The following RBFOX3 variants were observed in gnomAD, a reference collection of about 807,000 sequenced individuals.
RBFOX3 encodes the protein RNA binding protein fox-1 homolog 3.
Under a neutral mutation model 48.7 loss-of-function variants are expected in RBFOX3, and 17 were observed. The observed-to-expected ratio is 0.35, with a 90% CI of 0.24 to 0.52. RBFOX3 has a LOEUF of 0.52. Among genes scored for constraint, RBFOX3 ranks in the 20% least tolerant of loss-of-function variants. The pLI, the probability that RBFOX3 is intolerant of heterozygous loss-of-function variation, is 0.94. For synonymous variants in RBFOX3, 212 were observed against 209.5 expected (o/e 1.01, Z -0.10); for missense variants, 382 against 497.5 (o/e 0.77, Z 2.21).
At chr17:79,452,078 A>C (rs1159494631) in intron 2 of RBFOX3, among the ~76,000 whole-genome samples, 1 of 152,182 alleles carries the variant, frequency 6.6e-6, no homozygotes, top group Non-Finnish European at 1.5e-5. Flanking sequence ...AAGGATGGGT[A>C]GAATTCTGAA....
At chr17:79,127,424 C>T (rs937030121) in intron 4 of RBFOX3, among the ~76,000 whole-genome samples, 40 of 152,008 alleles carry the variant, frequency 2.6e-4, no homozygotes, top group Non-Finnish European at 8.8e-5. Flanking sequence ...GTGGGAAGAA[C>T]GGAGGAACAG....
chr17:79,197,614 C>A (rs1314426729), intron 4 of RBFOX3, among the ~76,000 whole-genome samples: 2 of 151,986 alleles, frequency 1.3e-5, no homozygotes, highest in South Asian at 2.1e-4. Context: ...AGGCTGGTCT[C>A]AAACTCCTGA....
intron 2 of RBFOX3, among the ~76,000 whole-genome samples, chr17:79,376,599 T>A (rs1052643996): frequency 1.3e-5 from 2 of 152,116 alleles, no homozygotes; most frequent in Non-Finnish European, 2.9e-5. Flanking sequence ...TACCAGGGCA[T>A]CCCCGGCCCA....
chr17:79,179,521 C>T (rs572717255), intron 4 of RBFOX3, among the ~76,000 whole-genome samples: 8 of 152,224 alleles, frequency 5.3e-5, no homozygotes, highest in Non-Finnish European at 8.8e-5. Flanking sequence ...GCCAGTCCCT[C>T]TCCCCCGGCC....
intron 4 of RBFOX3, among the ~76,000 whole-genome samples, chr17:79,163,311 C>A (rs886763827): frequency 6.6e-6 from 1 of 152,206 alleles, no homozygotes; most frequent in East Asian, 1.9e-4. Flanking sequence ...CGGGGCCTCA[C>A]GGCCTCAGTG....
At chr17:79,417,232 G>T (rs750153729) in intron 2 of RBFOX3, among the ~76,000 whole-genome samples, 1 of 152,324 alleles carries the variant, frequency 6.6e-6, no homozygotes, top group East Asian at 1.9e-4. Flanking sequence ...CTTGCTCCCC[G>T]TAAGAGTCTC....
rs1469544212 is a variant in RBFOX3, at chr17:79,106,762, G to C, written c.249C>G (p.Asp83Glu). 1 of 1,525,554 alleles carries C rather than the reference G, an allele frequency of 6.6e-7. No individual in the cohort carries two copies. The highest frequency in any genetic ancestry group is 1.4e-5 in the African/African-American group (1 of 71,248). 94.5% of individuals were successfully genotyped at this position (1,525,554 alleles called of 1,614,324 possible). A position where few individuals can be genotyped will look rare whatever the true frequency, so the allele number is the denominator to read the frequency against. ...VPQTDEAAQT[D>E]SQPLHPSDPT... The stretch of plus-strand genomic sequence containing the variant: ...GGTCGGAGGGGTGGAGCGGCTGGCT[G>C]TCCGTCTGTGCCGCCTCGTCTGTCT... The change falls in exon 6 of 15, where the codon GAC becomes GAG. Residue 83 changes from aspartate (D) to glutamate (E), a missense_variant. Physicochemically the swap from Asp to Glu is conservative, Grantham distance 45. Transcript: ENST00000693108.
intron 2 of RBFOX3, among the ~76,000 whole-genome samples, chr17:79,474,108 C>T (rs557966908): frequency 2.7e-5 from 4 of 150,394 alleles, no homozygotes; most frequent in African/African-American, 4.9e-5. Context: ...GAGGAATGCA[C>T]GTGTCAATGC....
chr17:79,526,628 G>T (rs1443233631), intron 1 of RBFOX3, among the ~76,000 whole-genome samples: 1 of 152,146 alleles, frequency 6.6e-6, no homozygotes, highest in Non-Finnish European at 1.5e-5. Context: ...AAAGGCAATA[G>T]GGGAAGGGCA....
At chr17:79,143,209 A>G (rs1189250602) in intron 4 of RBFOX3, among the ~76,000 whole-genome samples, 1 of 152,082 alleles carries the variant, frequency 6.6e-6, no homozygotes, top group Non-Finnish European at 1.5e-5. Flanking sequence ...GGCGACTAGC[A>G]CTGACCGGAT....
At chr17:79,591,943 G>A (rs1434073372) in intron 1 of RBFOX3, among the ~76,000 whole-genome samples, 2 of 151,588 alleles carry the variant, frequency 1.3e-5, no homozygotes, top group Non-Finnish European at 2.9e-5. Context: ...GTGTGCATGT[G>A]TTGTGTGTGG....
the RBFOX3 span, among the ~76,000 whole-genome samples, chr17:79,642,228 A>G: frequency 1.3e-5 from 2 of 152,176 alleles, no homozygotes; most frequent in Non-Finnish European, 2.9e-5. Context: ...GGAAATGAGG[A>G]GGTGTTGGCC....
chr17:79,625,719 G>A, the RBFOX3 span, among the ~76,000 whole-genome samples: 1 of 152,186 alleles, frequency 6.6e-6, no homozygotes, highest in South Asian at 2.1e-4. Context: ...TTGAACCCGG[G>A]AGGTGGAAGT....
intron 2 of RBFOX3, among the ~76,000 whole-genome samples, chr17:79,318,939 G>A (rs2077981345): frequency 1.3e-5 from 2 of 150,786 alleles, no homozygotes; most frequent in Non-Finnish European, 2.9e-5. Context: ...TGAGTTACTG[G>A]GTGCAGCACA....
At chr17:79,395,234 C>T (rs764977547) in intron 2 of RBFOX3, among the ~76,000 whole-genome samples, 4 of 152,236 alleles carry the variant, frequency 2.6e-5, no homozygotes, top group East Asian at 1.9e-4. Context: ...CAATGTGTGG[C>T]GGCCTCTGTG....
intron 1 of RBFOX3, among the ~76,000 whole-genome samples, chr17:79,577,398 G>C (rs1052133596): frequency 6.6e-6 from 1 of 152,144 alleles, no homozygotes; most frequent in Non-Finnish European, 1.5e-5. Flanking sequence ...TTCTTCACAC[G>C]CACGGGCAGA....
intron 3 of RBFOX3, among the ~76,000 whole-genome samples, chr17:79,250,456 T>TAAC (rs111581443): frequency 0.18 from 27,079 of 152,094 alleles, 3,062 homozygotes; most frequent in African/African-American, 0.33. Context: ...TAAAGAATAA[T>TAAC]AAAAATAATT....
At position 79,453,924 on chromosome 17, in the gene RBFOX3, G is replaced by C. The variant is rs531031412; in HGVS notation, c.-175+28530C>G. 9.9e-5 allele frequency among the ~76,000 whole-genome samples: 15 copies of C among 152,258 alleles called. No homozygotes were observed. The East Asian group carries it at 2.9e-3, about 29-fold the overall frequency. ...CAGGAGCTGAGTTCTGGGATCCCTT[G>C]GACACCTCTCAGCCCGGGGTGGACA... On this transcript the variant is annotated intron_variant, in intron 2 of 14. Coordinates refer to ENST00000693108, the MANE Select transcript of RBFOX3 (RefSeq NM_001350451.2).
At position 79,524,831 on chromosome 17, in the gene RBFOX3, G is replaced by A. The variant is rs911324533; in HGVS notation, c.-319-42233C>T. 2.8e-3 allele frequency among the ~76,000 whole-genome samples: 429 copies of A among 151,870 alleles called. 3 individuals are homozygous for A. The highest frequency in any genetic ancestry group is 9.3e-3 in the African/African-American group (386 of 41,400). ...GTTCAAGCCGAATGAATATGCCTCC[G>A]CCCCACAGCAGGTGTAAAGGGAGCC... On this transcript the variant is annotated intron_variant, in intron 1 of 14. Transcript: ENST00000693108.
Sources: gnomAD v4.1 joint callset for allele counts (sites outside exome capture counted in the v4.1 genomes callset) on GRCh38, gnomAD v4.1.1 for gene constraint, MANE v1.5 for transcripts, NCBI Gene and HGNC (gene_info 2026-07-23, HGNC 2026-07-21) for gene names.